The following NMT1 variants were observed in gnomAD, a reference collection of about 807,000 sequenced individuals.
NMT1 encodes glycylpeptide N-tetradecanoyltransferase 1.
NMT1 carries 12 observed loss-of-function variants against 63.4 expected under a neutral mutation model. The observed-to-expected ratio is 0.19, with a 90% CI of 0.12 to 0.31. The LOEUF (loss-of-function observed/expected upper bound fraction) is 0.31. NMT1 is among the 10% of genes least tolerant of loss of function. NMT1 has a pLI of 1.00. For synonymous variants in NMT1, 228 were observed against 234.3 expected (o/e 0.97, Z 0.25); for missense variants, 432 against 634.6 (o/e 0.68, Z 3.43).
chr17:45,084,975 T>C (rs1255406460), intron 2 of NMT1, among the ~76,000 whole-genome samples: 4 of 152,004 alleles, frequency 2.6e-5, no homozygotes, highest in Admixed American at 2.6e-4. Flanking sequence ...AAATTTATGC[T>C]GGGTGTGGTG....
intron 1 of NMT1, 178 bp downstream of exon 1, chr17:45,061,638 C>G (rs776540808): frequency 1.2e-5 from 7 of 587,754 alleles, no homozygotes; most frequent in Non-Finnish European, 2.1e-5. Flanking sequence ...GGTGGGTGCT[C>G]TGGATATTAA....
intron 1 of NMT1, among the ~76,000 whole-genome samples, chr17:45,077,933 C>T (rs867430229): frequency 1.3e-5 from 2 of 152,136 alleles, no homozygotes; most frequent in East Asian, 3.9e-4. Flanking sequence ...CCTTATTTCC[C>T]CTTTGAATGT....
Position 45,103,894 on chromosome 17 carries a change from G to C in NMT1, c.1332+18G>C. 1.2e-6 allele frequency: 2 copies of C among 1,612,586 alleles called. No individual in the cohort carries two copies. Among genetic ancestry groups the C allele is most frequent in the Non-Finnish European group, 1.7e-6 (2 of 1,180,008 alleles). ...CCAAAATGGTGAGGAGCAGACGGGGGGGTCTCTGGAGATGTGCAGGGAAGA... is the reference window on the plus strand; with the variant it reads ...CCAAAATGGTGAGGAGCAGACGGGGCGGTCTCTGGAGATGTGCAGGGAAGA... On this transcript the variant is annotated intron_variant, in intron 10 of 11. Coordinates refer to ENST00000258960, the MANE Select transcript of NMT1 (RefSeq NM_021079.5). The surrounding 1 kb of genome is among the most constrained non-coding windows in gnomAD (Gnocchi z 4.8).
rs1385829233 is a variant in NMT1 at position 45,104,084 on chromosome 17, T to C, written c.1332+208T>C. 7 of 1,475,056 alleles carry C rather than the reference T, an allele frequency of 4.7e-6. No individual in the cohort carries two copies. Among genetic ancestry groups the C allele is most frequent in the African/African-American group, 2.8e-5 (2 of 70,894 alleles). The allele number at this position is 1,475,056 out of a possible 1,614,324, so 91.4% of individuals were successfully genotyped here. A position where few individuals can be genotyped will look rare whatever the true frequency, so the allele number is the denominator to read the frequency against. On this transcript the variant is annotated intron_variant, in intron 10 of 11. Coordinates refer to ENST00000258960, the MANE Select transcript of NMT1 (RefSeq NM_021079.5). This position sits in a 1 kb window ranked among gnomAD's most constrained non-coding sequence, Gnocchi z 4.2. ...AGCATCCGAAGTGAAGGCATTGAAC[T>C]CCTCCTGATTCATTTCAGTGAGTTT...
intron 1 of NMT1, among the ~76,000 whole-genome samples, chr17:45,075,502 C>A (rs1288465877): frequency 1.3e-5 from 2 of 149,322 alleles, no homozygotes; most frequent in African/African-American, 2.5e-5. Context: ...AAAAAAATGG[C>A]TGGGCGTGGT....
At chr17:45,063,880 A>G (rs1036445674) in intron 1 of NMT1, among the ~76,000 whole-genome samples, 1 of 147,710 alleles carries the variant, frequency 6.8e-6, no homozygotes, top group African/African-American at 2.5e-5. Flanking sequence ...TGGGCAATAG[A>G]GCAAAGCCCT....
At position 45,089,454 on chromosome 17, in the gene NMT1, G is replaced by A. The variant is rs112541787; in HGVS notation, c.385+2802G>A. 8.6e-3 allele frequency among the ~76,000 whole-genome samples: 1,306 copies of A among 151,410 alleles called. 22 individuals carry two copies. The highest frequency in any genetic ancestry group is 0.03 in the African/African-American group (1,249 of 41,212). ...GCCTCCCAGGTTCAAGCAGTTCTCT[G>A]CCTCAGCCTCCCGAGTAGTTGGGAT... On this transcript the variant is annotated intron_variant, in intron 3 of 11. Coordinates refer to ENST00000258960, the MANE Select transcript of NMT1 (RefSeq NM_021079.5).
At chr17:45,097,275 C>A in intron 6 of NMT1, 31 bp downstream of exon 6, 1 of 1,464,598 alleles carries the variant, frequency 6.8e-7, no homozygotes, top group South Asian at 1.1e-5. Context: ...CCACCCCCCA[C>A]AACACCGCCA....
At position 45,075,637 on chromosome 17, in the gene NMT1, C is replaced by A. The variant is rs529151195; in HGVS notation, c.132-6007C>A. 2.8e-4 allele frequency among the ~76,000 whole-genome samples: 42 copies of A among 151,498 alleles called. 1 individual carries two copies. Among genetic ancestry groups the A allele is most frequent in the African/African-American group, 9.0e-4 (37 of 41,222 alleles). On this transcript the variant is annotated intron_variant, in intron 1 of 11. Coordinates refer to ENST00000258960, the MANE Select transcript of NMT1 (RefSeq NM_021079.5). ...TCTACTAAAAGTATGAAAAATTAGCCAGGCATGGTGGTAGTCCCAGCTACT... is the reference window on the plus strand; with the variant it reads ...TCTACTAAAAGTATGAAAAATTAGCAAGGCATGGTGGTAGTCCCAGCTACT...
chr17:45,098,638 G>T (rs536631976), intron 7 of NMT1, 86 bp downstream of exon 7: 3 of 1,280,480 alleles, frequency 2.3e-6, no homozygotes, highest in Non-Finnish European at 3.3e-6. Context: ...TCACAGCTCC[G>T]CCCTTAGCAT....
intron 3 of NMT1, among the ~76,000 whole-genome samples, chr17:45,088,947 G>A (rs1321360754): frequency 6.6e-6 from 1 of 152,216 alleles, no homozygotes; most frequent in Non-Finnish European, 1.5e-5. Flanking sequence ...GGAGGAACAA[G>A]GTCTGGTTTT....
intron 2 of NMT1, among the ~76,000 whole-genome samples, chr17:45,083,345 T>C (rs971332931): frequency 6.6e-6 from 1 of 151,052 alleles, no homozygotes; most frequent in Non-Finnish European, 1.5e-5. Context: ...TAAAAAAAAA[T>C]TTAAAAAAAG....
intron 1 of NMT1, among the ~76,000 whole-genome samples, chr17:45,075,431 G>A (rs1299663610): frequency 1.3e-5 from 2 of 150,012 alleles, no homozygotes; most frequent in East Asian, 3.9e-4. Flanking sequence ...GTTGCAGTGA[G>A]CCGAGATCAC....
chr17:45,081,868 G>A (rs1414669416), intron 2 of NMT1, 116 bp downstream of exon 2: 3 of 798,002 alleles, frequency 3.8e-6, no homozygotes, highest in African/African-American at 3.5e-5. Flanking sequence ...ACTTCAAGAT[G>A]GAAGAGTTGG....
rs1202296343 is a variant in NMT1, at chr17:45,105,879, C to T, written c.*240C>T. On this transcript the variant is annotated 3_prime_UTR_variant, in exon 12 of 12. Coordinates refer to ENST00000258960, the MANE Select transcript of NMT1 (RefSeq NM_021079.5). This position sits in a 1 kb window ranked among gnomAD's most constrained non-coding sequence, Gnocchi z 4.2. ...TTTTCCAGTTAATTACATCCTCATG[C>T]AGCCGTGATCAAGGGAATGTAACTG... 5.9e-6 allele frequency: 3 copies of T among 505,208 alleles called. No homozygotes were observed. Among genetic ancestry groups the T allele is most frequent in the Admixed American group, 8.0e-5 (2 of 24,868 alleles). The allele number at this position is 505,208 out of a possible 1,614,324, so 31.3% of individuals were successfully genotyped here.
At chr17:45,071,175 A>G (rs1214501378) in intron 1 of NMT1, among the ~76,000 whole-genome samples, 1 of 152,180 alleles carries the variant, frequency 6.6e-6, no homozygotes, top group Non-Finnish European at 1.5e-5. Flanking sequence ...AATCAAAAGG[A>G]TATTAGAGGT....
intron 1 of NMT1, chr17:45,071,361 T>G (rs2053938348): frequency 6.6e-6 from 1 of 152,214 alleles, no homozygotes; most frequent in Admixed American, 6.6e-5. Flanking sequence ...TCTGTGTGTG[T>G]AGAGACAAGA....
At chr17:45,102,230 G>C (rs544339831) in intron 8 of NMT1, among the ~76,000 whole-genome samples, 13 of 152,344 alleles carry the variant, frequency 8.5e-5, no homozygotes, top group Middle Eastern at 3.4e-3. Context: ...ACACCACCCT[G>C]TTTGCAGATT....
chr17:45,081,402 G>T (rs985690062), intron 1 of NMT1, among the ~76,000 whole-genome samples: 4 of 152,164 alleles, frequency 2.6e-5, no homozygotes, highest in Admixed American at 2.6e-4. Context: ...AACGGAAAAG[G>T]CCCTTTCACA....
Sources: gnomAD v4.1 joint callset for allele counts (sites outside exome capture counted in the v4.1 genomes callset) on GRCh38, gnomAD v4.1.1 for gene constraint, Gnocchi (gnomAD v3.1) non-coding constraint, MANE v1.5 for transcripts, NCBI Gene and HGNC (gene_info 2026-07-23, HGNC 2026-07-21) for gene names.